The following MYO6 variants were observed in gnomAD, a reference collection of about 807,000 sequenced individuals.
MYO6 encodes myosin VI.
MYO6 carries 74 observed loss-of-function variants against 178.7 expected under a neutral mutation model. The ratio of observed to expected loss-of-function variants is 0.41; its 90% CI spans 0.34 to 0.50. The LOEUF (loss-of-function observed/expected upper bound fraction) is 0.50. Among genes scored for constraint, MYO6 ranks in the 20% least tolerant of loss-of-function variants. The probability of loss-of-function intolerance (pLI) is 0.09; values close to 1 mark genes in which losing one functional copy is unlikely to be tolerated. For synonymous variants in MYO6, 477 were observed against 504.6 expected, an observed-to-expected ratio of 0.95 and a Z score of 0.73; for missense variants, 1,330 against 1,547.4, an observed-to-expected ratio of 0.86 and a Z score of 2.36.
At chr6:75,902,638 A>G (rs2149399212) in intron 30 of MYO6, among the ~76,000 whole-genome samples, 1 of 152,072 alleles carries the variant, frequency 6.6e-6, no homozygotes, top group Non-Finnish European at 1.5e-5. Context: ...TAGTCTTGCT[A>G]GCGGTCTATC....
chr6:75,890,375 C>T, intron 26 of MYO6, 110 bp downstream of exon 26: 2 of 1,463,760 alleles, frequency 1.4e-6, no homozygotes, highest in Non-Finnish European at 1.9e-6. Context: ...GTGACAGGGT[C>T]TTGCTCTGTT....
At chr6:75,899,547 A>G (rs1779567480) in intron 30 of MYO6, among the ~76,000 whole-genome samples, 1 of 152,194 alleles carries the variant, frequency 6.6e-6, no homozygotes, top group South Asian at 2.1e-4. Flanking sequence ...CCTTGCTGAT[A>G]CACAGCTGGC....
chr6:75,828,553 T>C lies in MYO6; in HGVS notation c.201T>C (p.Tyr67=). The change falls in exon 4 of 35, where the codon TAT becomes TAC. Residue 67 remains tyrosine (Y), a synonymous_variant. Transcript: ENST00000369977. ...KDVEDNCSLM[Y]LNEATLLHNI... ...TTTATGTCTTAGGTTCACTAATGTATTTAAATGAAGCCACACTGCTCCATA... is the reference window on the plus strand; with the variant it reads ...TTTATGTCTTAGGTTCACTAATGTACTTAAATGAAGCCACACTGCTCCATA... 6.4e-7 allele frequency: 1 copy of C among 1,569,256 alleles called. No homozygotes were observed. The highest frequency in any genetic ancestry group is 8.8e-7 in the Non-Finnish European group (1 of 1,139,616).
At chr6:75,765,875 A>T (rs1392093101) in intron 1 of MYO6, among the ~76,000 whole-genome samples, 1 of 152,178 alleles carries the variant, frequency 6.6e-6, no homozygotes, top group Non-Finnish European at 1.5e-5. Context: ...AATAAAAAAA[A>T]GGTTAGCTGG....
intron 1 of MYO6, among the ~76,000 whole-genome samples, chr6:75,768,463 C>A (rs991962798): frequency 6.7e-6 from 1 of 150,134 alleles, no homozygotes; most frequent in Non-Finnish European, 1.5e-5. Context: ...TCACTGCAAC[C>A]TCCGCTTCCT....
chr6:75,900,230 C>T (rs10806052), intron 30 of MYO6, among the ~76,000 whole-genome samples: 56,851 of 151,538 alleles, frequency 0.38, 12,045 homozygotes, highest in Middle Eastern at 0.53. Context: ...GCATGATTTA[C>T]AGTCCTTTGA....
In MYO6 at chr6:75,822,797, A is replaced by G; in HGVS notation, c.133A>G (p.Ile45Val). 6.2e-7 allele frequency: 1 copy of G among 1,613,600 alleles called. No individual in the cohort carries two copies. Among genetic ancestry groups the G allele is most frequent in the South Asian group, 1.1e-5 (1 of 91,078 alleles). ...NQKGKTFLALINQVFPAEEDS... is the reference protein window; with the variant it reads ...NQKGKTFLALVNQVFPAEEDS... Reference sequence around the variant, plus strand: ...TGCTTGTTAGACATTTTTGGCTCTCATAAACCAAGTGTTTCCTGCAGAAGA... The same window carrying G: ...TGCTTGTTAGACATTTTTGGCTCTCGTAAACCAAGTGTTTCCTGCAGAAGA... Residue 45 changes from isoleucine to valine, a missense_variant, in exon 3 of 35, where the codon ATA becomes GTA. Transcript: ENST00000369977.
intron 1 of MYO6, among the ~76,000 whole-genome samples, chr6:75,787,633 T>C (rs1379532692): frequency 7.0e-6 from 1 of 143,258 alleles, no homozygotes; most frequent in Non-Finnish European, 1.5e-5. Flanking sequence ...TTTGGGGGAA[T>C]GGAACTATTC....
At chr6:75,910,426 T>C (rs902181678) in intron 32 of MYO6, among the ~76,000 whole-genome samples, 2 of 152,196 alleles carry the variant, frequency 1.3e-5, no homozygotes, top group African/African-American at 4.8e-5. Flanking sequence ...TGATACCTTA[T>C]TCATCTAGCT....
chr6:75,816,336 T>C (rs1035998471), intron 1 of MYO6, among the ~76,000 whole-genome samples: 4 of 152,228 alleles, frequency 2.6e-5, no homozygotes, highest in Admixed American at 2.0e-4. Context: ...GGAATGGTTA[T>C]TGACCAAAAG....
At chr6:75,867,135 T>TA in intron 18 of MYO6, 30 bp downstream of exon 18, 1 of 1,474,408 alleles carries the variant, frequency 6.8e-7, no homozygotes, top group South Asian at 1.3e-5. Flanking sequence ...TTTTTTTTAC[T>TA]ATATTTAAAA....
intron 1 of MYO6, among the ~76,000 whole-genome samples, chr6:75,776,150 T>C (rs1208039270): frequency 6.6e-6 from 1 of 152,216 alleles, no homozygotes; most frequent in Non-Finnish European, 1.5e-5. Context: ...ATTTTATTCT[T>C]GTGTCTTCAG....
At chr6:75,769,997 A>G (rs1398952972) in intron 1 of MYO6, among the ~76,000 whole-genome samples, 5 of 152,048 alleles carry the variant, frequency 3.3e-5, no homozygotes, top group Admixed American at 3.3e-4. Context: ...TCTGGAGGGC[A>G]GTGGCCCCCT....
At chr6:75,766,695 A>G (rs1778449452) in intron 1 of MYO6, among the ~76,000 whole-genome samples, 3 of 152,144 alleles carry the variant, frequency 2.0e-5, no homozygotes. Flanking sequence ...CATGATGAAC[A>G]CCTTTTGGTA....
At chr6:75,859,119 A>C in intron 14 of MYO6, 126 bp downstream of exon 14, 2 of 698,714 alleles carry the variant, frequency 2.9e-6, no homozygotes, top group South Asian at 3.5e-5. Context: ...GGCTCAGGGA[A>C]TCTGGGAAGC....
intron 12 of MYO6, 73 bp from the exon 13 acceptor site, chr6:75,857,024 T>C: frequency 7.1e-7 from 1 of 1,412,474 alleles, no homozygotes; most frequent in Non-Finnish European, 9.9e-7. Flanking sequence ...GTGTGTATGT[T>C]TAGGTGCACT....
chr6:75,805,676 A>G (rs915764289), intron 1 of MYO6, among the ~76,000 whole-genome samples: 2 of 152,188 alleles, frequency 1.3e-5, no homozygotes, highest in African/African-American at 4.8e-5. Flanking sequence ...TACATTATCA[A>G]TTGTCAATTA....
rs1247382136 is a variant in MYO6, at chr6:75,828,613, TGTAA to T, written c.261+4_261+7del. 6.5e-7 allele frequency: 1 copy of T among 1,548,740 alleles called. No individual in the cohort carries two copies. Among genetic ancestry groups the T allele is most frequent in the African/African-American group, 1.4e-5 (1 of 73,502 alleles). ...TTCGATATAGTAAAGACAGAATTTA[TGTAA>T]GTATTTTACCTGTAGTGTAAGTTTT... On this transcript the variant is annotated splice_donor_variant and splice_donor_region_variant and intron_variant, in intron 4 of 34. Transcript: ENST00000369977. LOFTEE classifies it high-confidence loss of function.
At chr6:75,906,458 T>A (rs1225102229) in intron 30 of MYO6, among the ~76,000 whole-genome samples, 1 of 152,140 alleles carries the variant, frequency 6.6e-6, no homozygotes, top group Non-Finnish European at 1.5e-5. Context: ...GGCAGATCAC[T>A]TGAGCTCAGG....
Sources: gnomAD v4.1 joint callset for allele counts (sites outside exome capture counted in the v4.1 genomes callset) on GRCh38, gnomAD v4.1.1 for gene constraint, MANE v1.5 for transcripts, NCBI Gene and HGNC (gene_info 2026-07-23, HGNC 2026-07-21) for gene names.